RALGAPB: variants seen among roughly 807,000 people sequenced by gnomAD.
RALGAPB encodes the protein ral GTPase-activating protein subunit beta.
RALGAPB carries 25 observed loss-of-function variants against 161.1 expected under a neutral mutation model. The ratio of observed to expected loss-of-function variants is 0.16; its 90% CI spans 0.11 to 0.22. The LOEUF (loss-of-function observed/expected upper bound fraction) is 0.22. RALGAPB is among the 10% of genes least tolerant of loss of function. The pLI is 1.00. For synonymous variants in RALGAPB, 629 were observed against 626.1 expected (o/e 1.00, Z -0.07); for missense variants, 1,391 against 1,815.2 (o/e 0.77, Z 4.25).
chr20:38,512,466 C>T (rs1408973996), intron 6 of RALGAPB, among the ~76,000 whole-genome samples: 1 of 152,218 alleles, frequency 6.6e-6, no homozygotes, highest in African/African-American at 2.4e-5. Context: ...AATGATAGTA[C>T]CATCTCGTTA....
At chr20:38,504,357 T>C (rs969558803) in intron 5 of RALGAPB, among the ~76,000 whole-genome samples, 1 of 152,324 alleles carries the variant, frequency 6.6e-6, no homozygotes, top group Middle Eastern at 3.4e-3. Context: ...CAATAAATAG[T>C]GCAGGGATAA....
Position 38,488,410 on chromosome 20 carries a change from T to C in RALGAPB, c.-23T>C, listed in dbSNP as rs1244117419. On this transcript the variant is annotated 5_prime_UTR_variant, in exon 2 of 30. Coordinates refer to ENST00000262879, the MANE Select transcript of RALGAPB (RefSeq NM_020336.4). ...TCTGTTTTGTCTTTTCAGGTGCCAT[T>C]TGGATTGTACTTTAGTGGCACGATG... The C allele has an allele frequency of 6.3e-7, 1 of 1,588,154 alleles. No individual in the cohort carries two copies. The highest frequency in any genetic ancestry group is 8.6e-7 in the Non-Finnish European group (1 of 1,164,072).
At chr20:38,501,516 C>T (rs1600868842) in intron 5 of RALGAPB, among the ~76,000 whole-genome samples, 1 of 152,268 alleles carries the variant, frequency 6.6e-6, no homozygotes, top group East Asian at 1.9e-4. Context: ...GATTCTTGTG[C>T]CTTAGCCTCC....
chr20:38,553,223 AT>A (rs1262222715), intron 21 of RALGAPB, among the ~76,000 whole-genome samples: 3 of 152,190 alleles, frequency 2.0e-5, no homozygotes, highest in Non-Finnish European at 4.4e-5. Context: ...AGCTTGTAGA[AT>A]TCTGAGCCAG....
chr20:38,531,170 C>T lies in RALGAPB; in HGVS notation c.2054C>T (p.Ala685Val), dbSNP rs1003026877. ...DPNNTQMILG[A>V]MLNIVQDSAL... ...TACTGTTTTATTGTTGTTGTAGGGG[C>T]AATGTTAAATATTGTTCAAGATTCA... The change falls in exon 14 of 30, where the codon GCA becomes GTA. Residue 685 changes from alanine (A) to valine (V), a missense_variant. Transcript: ENST00000262879. 1 of 1,605,820 alleles carries T rather than the reference C, an allele frequency of 6.2e-7. No individual in the cohort carries two copies. The highest frequency in any genetic ancestry group is 8.5e-7 in the Non-Finnish European group (1 of 1,173,322).
intron 24 of RALGAPB, among the ~76,000 whole-genome samples, chr20:38,562,949 A>G (rs898781479): frequency 4.6e-5 from 7 of 152,106 alleles, no homozygotes; most frequent in African/African-American, 1.7e-4. Flanking sequence ...AGGGCCATGT[A>G]TTTGTAGTCC....
chr20:38,478,070 C>T (rs898800711), intron 1 of RALGAPB, among the ~76,000 whole-genome samples: 42 of 152,148 alleles, frequency 2.8e-4, no homozygotes, highest in Admixed American at 7.2e-4. Flanking sequence ...TGCTGTGAGC[C>T]GAGATCGTGC....
chr20:38,494,245 T>C (rs1176465606), intron 3 of RALGAPB, among the ~76,000 whole-genome samples: 1 of 152,244 alleles, frequency 6.6e-6, no homozygotes, highest in Non-Finnish European at 1.5e-5. Flanking sequence ...CCACAGTATC[T>C]GGTGCAATAC....
chr20:38,479,318 A>G (rs2084895882), intron 1 of RALGAPB, among the ~76,000 whole-genome samples: 1 of 152,218 alleles, frequency 6.6e-6, no homozygotes, highest in Non-Finnish European at 1.5e-5. Context: ...GTTTTTTGTA[A>G]TGAGACTTGA....
chr20:38,501,461 G>T (rs2085592404), intron 5 of RALGAPB, among the ~76,000 whole-genome samples: 1 of 152,176 alleles, frequency 6.6e-6, no homozygotes, highest in South Asian at 2.1e-4. Context: ...AAAATAGCCA[G>T]GTGTGGTGGC....
At chr20:38,523,149 G>A (rs6128338) in intron 10 of RALGAPB, among the ~76,000 whole-genome samples, 23 of 150,328 alleles carry the variant, frequency 1.5e-4, no homozygotes, top group East Asian at 3.9e-4. Flanking sequence ...GTGAGACTCC[G>A]TCTCAAAAAA....
intron 25 of RALGAPB, among the ~76,000 whole-genome samples, chr20:38,565,767 C>T (rs2087975449): frequency 6.6e-6 from 1 of 151,920 alleles, no homozygotes; most frequent in Non-Finnish European, 1.5e-5. Flanking sequence ...GCTTATTTTC[C>T]AGTTCATTTC....
At chr20:38,484,624 T>C (rs1816003607) in intron 1 of RALGAPB, among the ~76,000 whole-genome samples, 1 of 152,220 alleles carries the variant, frequency 6.6e-6, no homozygotes, top group African/African-American at 2.4e-5. Context: ...CCAGATTTTC[T>C]GTGTCTCTTC....
At chr20:38,524,284 A>G (rs1023009354) in intron 10 of RALGAPB, among the ~76,000 whole-genome samples, 7 of 152,354 alleles carry the variant, frequency 4.6e-5, no homozygotes, top group South Asian at 4.1e-4. Context: ...ATAATGGGGA[A>G]GGGACAAAAA....
chr20:38,518,031 T>C (rs1161712990), intron 9 of RALGAPB, 31 bp downstream of exon 9: 1 of 1,561,634 alleles, frequency 6.4e-7, no homozygotes, highest in Non-Finnish European at 8.8e-7. Context: ...ATGTTATCAT[T>C]ATTTTCCTTT....
intron 5 of RALGAPB, among the ~76,000 whole-genome samples, chr20:38,507,884 T>TATAC (rs1484900286): frequency 6.6e-6 from 1 of 152,052 alleles, no homozygotes; most frequent in East Asian, 1.9e-4. Context: ...ATGAATGCTT[T>TATAC]ATACATAGTC....
chr20:38,554,545 A>G (rs915041282), intron 22 of RALGAPB, among the ~76,000 whole-genome samples: 4 of 152,222 alleles, frequency 2.6e-5, no homozygotes, highest in Non-Finnish European at 5.9e-5. Context: ...TGTAAGATCA[A>G]ACTGTCTGGC....
intron 5 of RALGAPB, among the ~76,000 whole-genome samples, chr20:38,507,585 G>C (rs992583075): frequency 7.2e-5 from 11 of 152,110 alleles, no homozygotes; most frequent in African/African-American, 2.7e-4. Flanking sequence ...ATATCGCCCA[G>C]GCAGGCAGGA....
chr20:38,524,156 G>A (rs1236537559), intron 10 of RALGAPB, among the ~76,000 whole-genome samples: 1 of 152,092 alleles, frequency 6.6e-6, no homozygotes, highest in African/African-American at 2.4e-5. Flanking sequence ...GGTTGGGGGT[G>A]GAGTTAAAAA....
Sources: allele counts gnomAD v4.1 joint callset (sites outside exome capture counted in the v4.1 genomes callset), GRCh38; gene constraint gnomAD v4.1.1; transcripts MANE v1.5; gene names NCBI Gene and HGNC (gene_info 2026-07-23, HGNC 2026-07-21).